TNRC6A: variants seen among roughly 807,000 people sequenced by gnomAD.
TNRC6A encodes the protein trinucleotide repeat containing adaptor 6A.
In TNRC6A, 44 loss-of-function variants were observed where a neutral mutation model predicts 221.2. The ratio of observed to expected loss-of-function variants is 0.20; its 90% confidence interval spans 0.16 to 0.26. TNRC6A has a LOEUF of 0.26. Among genes scored for constraint, TNRC6A ranks in the 10% least tolerant of loss-of-function variants. The pLI is 1.00. For synonymous variants in TNRC6A, 847 were observed against 838.5 expected, an observed-to-expected ratio of 1.01 and a Z score of -0.18; for missense variants, 2,199 against 2,404.4, an observed-to-expected ratio of 0.91 and a Z score of 1.79.
In TNRC6A at chr16:24,729,839, C is replaced by G; in HGVS notation, c.-3C>G. Reference sequence around the variant, plus strand: ...GCCCCACTTGCTCGTGCACTTTACACACATGAGGTGAGCGGAACAAGGGCC... The same window carrying G: ...GCCCCACTTGCTCGTGCACTTTACAGACATGAGGTGAGCGGAACAAGGGCC... On this transcript the variant is annotated 5_prime_UTR_variant, in exon 1 of 25. Coordinates refer to ENST00000395799, the MANE Select transcript of TNRC6A (RefSeq NM_014494.4). 1.4e-6 allele frequency: 2 copies of G among 1,382,168 alleles called. No individual in the cohort carries two copies. Among genetic ancestry groups the G allele is most frequent in the Non-Finnish European group, 1.9e-6 (2 of 1,058,388 alleles). The allele number at this position is 1,382,168 out of a possible 1,614,324, so 85.6% of individuals were successfully genotyped here. A position where few individuals can be genotyped will look rare whatever the true frequency, so the allele number is the denominator to read the frequency against.
chr16:24,765,325 A>G (rs2057449713), intron 4 of TNRC6A, among the ~76,000 whole-genome samples: 1 of 152,202 alleles, frequency 6.6e-6, no homozygotes, highest in African/African-American at 2.4e-5. Context: ...TGATACTTGC[A>G]GGGCCATTAG....
At chr16:24,662,071 G>C (rs1380867232) in intron 2 of TNRC6A, 1 of 152,022 alleles carries the variant, frequency 6.6e-6, no homozygotes, top group Non-Finnish European at 1.5e-5. Flanking sequence ...TAAAAACCAA[G>C]CAACCAACAT....
chr16:24,611,582 C>T (rs1279824781), intron 1 of TNRC6A, among the ~76,000 whole-genome samples: 2 of 152,094 alleles, frequency 1.3e-5, no homozygotes, highest in Non-Finnish European at 2.9e-5. Flanking sequence ...TGGATGCGCT[C>T]GGGCATCGAG....
chr16:24,697,963 T>C (rs1348746920), intron 2 of TNRC6A, among the ~76,000 whole-genome samples: 2 of 142,926 alleles, frequency 1.4e-5, no homozygotes, highest in Admixed American at 1.5e-4. Flanking sequence ...CACTTGAACC[T>C]GGGAGGCAGA....
In TNRC6A at chr16:24,729,719, A is replaced by C; in HGVS notation, c.-123A>C. On this transcript the variant is annotated 5_prime_UTR_variant, in exon 1 of 25. Transcript: ENST00000395799. Reference sequence around the variant, plus strand: ...CGGCGGCGGCGGCGGCGGCGGCGGCAGCGGGTCGGTGTAGAAAATGGCGCT... The same window carrying C: ...CGGCGGCGGCGGCGGCGGCGGCGGCCGCGGGTCGGTGTAGAAAATGGCGCT... 8.6e-6 allele frequency: 8 copies of C among 933,694 alleles called. No individual in the cohort carries two copies. The highest frequency in any genetic ancestry group is 9.8e-6 in the Non-Finnish European group (7 of 717,256). 57.8% of individuals were successfully genotyped at this position (933,694 alleles called of 1,614,324 possible).
In TNRC6A at chr16:24,815,298, G is replaced by T; in HGVS notation, c.4824G>T (p.Trp1608Cys). The change falls in exon 19 of 25, where the codon TGG becomes TGT. Residue 1608 changes from tryptophan (W) to cysteine (C), a missense_variant. Physicochemically the swap from Trp to Cys is radical, Grantham distance 215 (BLOSUM62 -2). Around this residue, in one of 8 missense-constraint regions of TNRC6A, gnomAD observed 449 missense variants for 579.7 expected, o/e 0.77. Transcript: ENST00000395799. Reference protein sequence around the residue: ...KSPNGSSSVNWPPEFRPGEPW... With the variant: ...KSPNGSSSVNCPPEFRPGEPW... The stretch of plus-strand genomic sequence containing the variant: ...CTAACGGCTCTAGCAGTGTTAATTG[G>T]CCACCAGGTAAAATTTTTTCTAACA... 1 of 1,614,168 alleles carries T rather than the reference G, an allele frequency of 6.2e-7. No individual in the cohort carries two copies. The highest frequency in any genetic ancestry group is 8.5e-7 in the Non-Finnish European group (1 of 1,180,020).
rs114813607 is a variant in TNRC6A at position 24,814,315 on chromosome 16, C to T, written c.4673-832C>T. On this transcript the variant is annotated intron_variant, in intron 18 of 24. Transcript: ENST00000395799. ...GGAGTTGCGAGCGAGGTTCTATTTG[C>T]ATCCACCTCAAATTCAACATGAATG... 8.8e-3 allele frequency among the ~76,000 whole-genome samples: 1,331 copies of T among 152,088 alleles called. 22 individuals are homozygous for T. Among genetic ancestry groups the T allele is most frequent in the African/African-American group, 0.03 (1,263 of 41,452 alleles).
intron 3 of TNRC6A, among the ~76,000 whole-genome samples, chr16:24,754,746 A>G (rs1489127648): frequency 6.6e-6 from 1 of 152,142 alleles, no homozygotes; most frequent in Middle Eastern, 3.2e-3. Context: ...TGAAGCATGC[A>G]ATTGTAGTTC....
chr16:24,627,822 T>C (rs1241248182), intron 1 of TNRC6A, among the ~76,000 whole-genome samples: 3 of 150,200 alleles, frequency 2.0e-5, no homozygotes, highest in Non-Finnish European at 4.4e-5. Context: ...CTCAGCCTCC[T>C]GAGTAGCTGG....
In TNRC6A at chr16:24,815,765, A is replaced by T. The variant is rs1193423839; in HGVS notation, c.4831+460A>T. The T allele has an allele frequency of 6.4e-5, 11 of 172,656 alleles. 1 individual carries two copies. The highest frequency in any genetic ancestry group is 6.1e-4 in the Admixed American group (11 of 18,132). The allele number at this position is 172,656 out of a possible 1,614,324, so 10.7% of individuals were successfully genotyped here. ...AGCTACAGGAGGCTGAGGCAGGAGAATGGCGTGAACCCGGGAGGCAGAGCT... is the reference window on the plus strand; with the variant it reads ...AGCTACAGGAGGCTGAGGCAGGAGATTGGCGTGAACCCGGGAGGCAGAGCT... On this transcript the variant is annotated intron_variant, in intron 19 of 24. Transcript: ENST00000395799.
At chr16:24,714,930 G>A (rs2056284582) in intron 2 of TNRC6A, among the ~76,000 whole-genome samples, 1 of 149,748 alleles carries the variant, frequency 6.7e-6, no homozygotes, top group Admixed American at 6.6e-5. Flanking sequence ...AGGCTGGAGT[G>A]CAGTGGCGTG....
At chr16:24,625,732 CAAAACAAAAAAAAAAAAAA>C (rs1900942750) in intron 1 of TNRC6A, among the ~76,000 whole-genome samples, 1 of 78,528 alleles carries the variant, frequency 1.3e-5, no homozygotes, top group East Asian at 3.6e-4. Context: ...GACTCCGTCT[CAAAACAAAAAAAAAAAAAA>C]AAAAAAAAAA....
Position 24,729,755 on chromosome 16 carries a change from C to T in TNRC6A, c.-87C>T. The T allele has an allele frequency of 7.5e-7, 1 of 1,339,804 alleles. No homozygotes were observed. The highest frequency in any genetic ancestry group is 9.6e-7 in the Non-Finnish European group (1 of 1,040,984). 83.0% of individuals were successfully genotyped at this position (1,339,804 alleles called of 1,614,324 possible). ...GTAGAAAATGGCGCTGGTGCAGCGG[C>T]TCGGGCCTCTCCCCGCGGCGCTGCG... On this transcript the variant is annotated 5_prime_UTR_variant, in exon 1 of 25. Coordinates refer to ENST00000395799, the MANE Select transcript of TNRC6A (RefSeq NM_014494.4).
chr16:24,822,463 G>A (rs2058785045), intron 23 of TNRC6A, among the ~76,000 whole-genome samples: 1 of 152,158 alleles, frequency 6.6e-6, no homozygotes, highest in Admixed American at 6.5e-5. Context: ...GGTCCTTGTT[G>A]GCACATGGAG....
chr16:24,805,434 C>A, intron 14 of TNRC6A, 171 bp from the exon 15 acceptor site: 2 of 1,019,228 alleles, frequency 2.0e-6, no homozygotes, highest in Non-Finnish European at 1.4e-6. Flanking sequence ...TTTACTTAAC[C>A]CACGAAAAAG....
upstream of TNRC6A, among the ~76,000 whole-genome samples, chr16:24,725,873 G>A (rs183167229): frequency 1.6e-3 from 245 of 152,070 alleles, 2 homozygotes; most frequent in African/African-American, 5.5e-3. Flanking sequence ...AGTGGCACAC[G>A]TCTGTAATCC....
In TNRC6A at chr16:24,802,045, A is replaced by G. The variant is rs74794994; in HGVS notation, c.3695-2132A>G. 3.8e-3 allele frequency among the ~76,000 whole-genome samples: 582 copies of G among 152,318 alleles called. 6 individuals are homozygous for G. Among genetic ancestry groups the G allele is most frequent in the African/African-American group, 0.014 (565 of 41,568 alleles). ...AACAACTGTGAAAGGTGGATTTTTT[A>G]AATACCAGATTCATGACTGGAACAG... On this transcript the variant is annotated intron_variant, in intron 11 of 24. Transcript: ENST00000395799.
intron 18 of TNRC6A, among the ~76,000 whole-genome samples, chr16:24,809,732 T>C (rs909370775): frequency 1.3e-5 from 2 of 152,208 alleles, no homozygotes; most frequent in African/African-American, 4.8e-5. Flanking sequence ...ATTTTCTCTT[T>C]GGCTTTTTAC....
At position 24,823,603 on chromosome 16, in the gene TNRC6A, C is replaced by G. The variant is rs144884929; in HGVS notation, c.5685C>G (p.Thr1895=). The G allele has an allele frequency of 3.1e-6, 5 of 1,614,026 alleles. No individual in the cohort carries two copies. The highest frequency in any genetic ancestry group is 4.2e-6 in the Non-Finnish European group (5 of 1,180,020). The change falls in exon 25 of 25, where the codon ACC becomes ACG. Residue 1895 remains threonine, a synonymous_variant. Coordinates refer to ENST00000395799, the MANE Select transcript of TNRC6A (RefSeq NM_014494.4). This position sits in a 1 kb window ranked among gnomAD's most constrained non-coding sequence, Gnocchi z 4.3. ...LDCSHSFSSR[T]DLNHWNGAGL... ...GTTCCCACTCATTCTCCAGCCGGAC[C>G]GATCTCAATCACTGGAATGGTGCTG...
Sources: gnomAD v4.1 joint callset for allele counts (sites outside exome capture counted in the v4.1 genomes callset) on GRCh38, gnomAD v4.1.1 for gene constraint, gnomAD v4.1.1 regional missense constraint, Gnocchi (gnomAD v3.1) non-coding constraint, MANE v1.5 for transcripts, NCBI Gene and HGNC (gene_info 2026-07-23, HGNC 2026-07-21) for gene names.